Variants in VTI1A observed in about 807,000 individuals in gnomAD.
VTI1A encodes the protein vesicle transport through interaction with t-SNAREs 1A, also known as vesicle transport through interaction with t-SNAREs homolog 1A.
A neutral mutation model predicts 34.9 loss-of-function variants in VTI1A; 22 were observed. The ratio of observed to expected loss-of-function variants is 0.63; its 90% CI spans 0.45 to 0.90. VTI1A has a LOEUF of 0.90. VTI1A is among the 40% of genes least tolerant of loss of function. The pLI, the probability that VTI1A is intolerant of heterozygous loss-of-function variation, is 0.00. For synonymous variants in VTI1A, 87 were observed against 97.3 expected (o/e 0.89, Z 0.62); for missense variants, 268 against 275.6 (o/e 0.97, Z 0.20).
rs1375719541 is a variant in VTI1A at position 112,447,327 on chromosome 10, T to C, written c.-47T>C. 1 of 1,590,518 alleles carries C rather than the reference T, an allele frequency of 6.3e-7. No homozygotes were observed. The highest frequency in any genetic ancestry group is 1.1e-5 in the South Asian group (1 of 88,722). On this transcript the variant is annotated 5_prime_UTR_variant, in exon 1 of 8. Transcript: ENST00000393077. ...GGCCCCTCGCTGCCCCTCGAGGCCC[T>C]TTCCCTGACCTAGGCTTTGGCCTGG... is the stretch of plus-strand genomic sequence containing the variant.
intron 4 of VTI1A, among the ~76,000 whole-genome samples, chr10:112,529,259 T>C (rs1356710520): frequency 6.6e-6 from 1 of 152,130 alleles, no homozygotes; most frequent in Non-Finnish European, 1.5e-5. Context: ...ACACTGAACG[T>C]TTTGGATATT....
At chr10:112,626,140 A>G (rs1287596840) in intron 5 of VTI1A, among the ~76,000 whole-genome samples, 1 of 152,170 alleles carries the variant, frequency 6.6e-6, no homozygotes, top group Non-Finnish European at 1.5e-5. Flanking sequence ...AGTTTGAATC[A>G]ACAGCTTGGC....
chr10:112,489,389 T>C (rs926725163), intron 3 of VTI1A, among the ~76,000 whole-genome samples: 9 of 152,182 alleles, frequency 5.9e-5, no homozygotes, highest in African/African-American at 2.2e-4. Flanking sequence ...AATTATTTCC[T>C]TCCCCCAACC....
At chr10:112,460,421 A>T (rs916694518) in intron 1 of VTI1A, 103 bp from the exon 2 acceptor site, 43 of 1,039,404 alleles carry the variant, frequency 4.1e-5, no homozygotes, top group East Asian at 4.1e-4. Flanking sequence ...ATGTTCTGTA[A>T]TCTGATTGAC....
intron 7 of VTI1A, among the ~76,000 whole-genome samples, chr10:112,735,404 A>C (rs1850416119): frequency 6.6e-6 from 1 of 152,260 alleles, no homozygotes; most frequent in African/African-American, 2.4e-5. Flanking sequence ...TTCCTTTTAA[A>C]TTAAATGCCG....
intron 7 of VTI1A, among the ~76,000 whole-genome samples, chr10:112,676,335 A>G (rs1334391406): frequency 6.6e-6 from 1 of 152,044 alleles, no homozygotes; most frequent in Non-Finnish European, 1.5e-5. Flanking sequence ...TACTACCTGG[A>G]GCAAAGCAAT....
rs1187812430 is a variant in VTI1A, at chr10:112,633,949, A to G, written c.428-34269A>G. Among the ~76,000 whole-genome samples, 9 of 152,182 alleles carry G rather than the reference A, an allele frequency of 5.9e-5. 1 individual carries two copies. In the East Asian group the frequency reaches 1.5e-3, roughly 26 times the overall value. On this transcript the variant is annotated intron_variant, in intron 5 of 7. Transcript: ENST00000393077. The stretch of plus-strand genomic sequence containing the variant: ...GGATCACAGTTAACTCAGAATTATA[A>G]AACAATGGTTCTTTTAGGCTTCCTA...
chr10:112,541,092 A>G (rs1431116205), intron 5 of VTI1A, among the ~76,000 whole-genome samples: 1 of 152,216 alleles, frequency 6.6e-6, no homozygotes, highest in African/African-American at 2.4e-5. Flanking sequence ...TGTAAAGGAA[A>G]GTTGTAATGT....
chr10:112,656,634 G>C (rs1041716248), intron 5 of VTI1A, among the ~76,000 whole-genome samples: 2 of 148,254 alleles, frequency 1.3e-5, no homozygotes, highest in African/African-American at 4.9e-5. Flanking sequence ...CTCCCAAAGT[G>C]CTGAGATTAT....
chr10:112,474,147 C>T (rs538474019), intron 3 of VTI1A, among the ~76,000 whole-genome samples: 4 of 152,124 alleles, frequency 2.6e-5, no homozygotes, highest in East Asian at 1.9e-4. Flanking sequence ...CTGCAAGCTC[C>T]GCCTCCCGGG....
chr10:112,592,400 C>T (rs1034152372), intron 5 of VTI1A, among the ~76,000 whole-genome samples: 4 of 152,208 alleles, frequency 2.6e-5, no homozygotes, highest in Admixed American at 6.5e-5. Context: ...CAGTCATCAT[C>T]TGTTCATCCT....
chr10:112,487,686 A>G (rs1267740510), intron 3 of VTI1A, among the ~76,000 whole-genome samples: 1 of 152,056 alleles, frequency 6.6e-6, no homozygotes, highest in Non-Finnish European at 1.5e-5. Flanking sequence ...CTTGTAACCT[A>G]TGGCCTTCTG....
chr10:112,645,571 G>A (rs547138093), intron 5 of VTI1A, among the ~76,000 whole-genome samples: 2 of 152,298 alleles, frequency 1.3e-5, no homozygotes, highest in East Asian at 1.9e-4. Context: ...TTTGCGTTAC[G>A]TAAGATATGA....
At chr10:112,704,521 T>C (rs1437180323) in intron 7 of VTI1A, among the ~76,000 whole-genome samples, 1 of 152,208 alleles carries the variant, frequency 6.6e-6, no homozygotes, top group Non-Finnish European at 1.5e-5. Flanking sequence ...GACTCATTGT[T>C]AATCATAATA....
chr10:112,846,226 A>G, the VTI1A span, among the ~76,000 whole-genome samples: 1 of 152,266 alleles, frequency 6.6e-6, no homozygotes, highest in African/African-American at 2.4e-5. Flanking sequence ...CAGAACTTTC[A>G]TGTTCTGTTG....
intron 5 of VTI1A, among the ~76,000 whole-genome samples, chr10:112,593,911 T>TTTTTTA (rs1554914710): frequency 6.7e-6 from 1 of 149,306 alleles, no homozygotes; most frequent in African/African-American, 2.5e-5. Flanking sequence ...TAATTTTTTT[T>TTTTTTA]TTATTATTAT....
At chr10:112,751,741 T>C (rs913900877) in intron 7 of VTI1A, among the ~76,000 whole-genome samples, 1 of 152,184 alleles carries the variant, frequency 6.6e-6, no homozygotes, top group African/African-American at 2.4e-5. Context: ...AGATTACACA[T>C]TATAGAATAG....
intron 5 of VTI1A, among the ~76,000 whole-genome samples, chr10:112,570,912 T>G (rs950148989): frequency 3.3e-5 from 5 of 152,244 alleles, no homozygotes; most frequent in African/African-American, 7.2e-5. Context: ...GGCACCATGT[T>G]AAAGAGTTTA....
chr10:112,497,179 G>A (rs535459613), intron 3 of VTI1A, among the ~76,000 whole-genome samples: 4 of 152,162 alleles, frequency 2.6e-5, no homozygotes, highest in African/African-American at 9.6e-5. Flanking sequence ...TTAGCTGGGC[G>A]TGGTGGCAAG....
Sources: allele counts gnomAD v4.1 joint callset (sites outside exome capture counted in the v4.1 genomes callset), GRCh38; gene constraint gnomAD v4.1.1; transcripts MANE v1.5; gene names NCBI Gene and HGNC (gene_info 2026-07-23, HGNC 2026-07-21).